The following RALGAPA1 variants were observed in gnomAD, a reference collection of about 807,000 sequenced individuals.
The protein encoded by RALGAPA1 is Ral GTPase activating protein catalytic subunit alpha 1.
Under a neutral mutation model 269.6 loss-of-function variants are expected in RALGAPA1, and 52 were observed. That is an observed-to-expected ratio of 0.19 (90% CI 0.15 to 0.24). RALGAPA1 has a LOEUF of 0.24. RALGAPA1 is among the 10% of genes least tolerant of loss of function. The probability of loss-of-function intolerance (pLI) is 1.00; values close to 1 mark genes in which losing one functional copy is unlikely to be tolerated. For missense variants in RALGAPA1, 1,917 were observed against 3,013.9 expected, an observed-to-expected ratio of 0.64 and a Z score of 8.52; for synonymous variants, 817 against 1,008.3, an observed-to-expected ratio of 0.81 and a Z score of 3.60.
intron 1 of RALGAPA1, among the ~76,000 whole-genome samples, chr14:35,798,774 G>A (rs2076756244): frequency 6.6e-6 from 1 of 151,892 alleles, no homozygotes; most frequent in African/African-American, 2.4e-5. Context: ...ACGATCACTT[G>A]GGGCCAGGAG....
At chr14:35,625,150 CAAAAAAAAAAAA>C (rs35013388) in intron 35 of RALGAPA1, among the ~76,000 whole-genome samples, 199 bp downstream of exon 35, 1 of 59,928 alleles carries the variant, frequency 1.7e-5, no homozygotes, top group African/African-American at 5.7e-5. Flanking sequence ...GACTCTGTCT[CAAAAAAAAAAAA>C]AAAAAAAAAA....
chr14:35,801,270 C>T (rs1344492772), intron 1 of RALGAPA1, among the ~76,000 whole-genome samples: 2 of 142,546 alleles, frequency 1.4e-5, no homozygotes, highest in African/African-American at 5.4e-5. Flanking sequence ...CACACACACA[C>T]ACACACACAC....
chr14:35,685,126 C>T lies in RALGAPA1; in HGVS notation c.4097G>A (p.Ser1366Asn). ...GNASTMTRRGSSPGSLEIPKD... is the reference protein window; with the variant it reads ...GNASTMTRRGNSPGSLEIPKD... Reference sequence around the variant, plus strand: ...GGGAATTTCCAGGCTGCCTGGACTACTTCCTCTTCTTGTCATAGTCTAAAC... The same window carrying T: ...GGGAATTTCCAGGCTGCCTGGACTATTTCCTCTTCTTGTCATAGTCTAAAC... The change falls in exon 20 of 42, where the codon AGT becomes AAT. Residue 1366 changes from serine (S) to asparagine (N), a missense_variant. Ser to Asn is a conservative substitution (Grantham distance 46). Coordinates refer to ENST00000680220, the MANE Select transcript of RALGAPA1 (RefSeq NM_001346249.2). 2.6e-6 allele frequency: 4 copies of T among 1,563,280 alleles called. No individual in the cohort carries two copies. The highest frequency in any genetic ancestry group is 3.5e-6 in the Non-Finnish European group (4 of 1,152,990).
At chr14:35,723,523 C>T (rs1379464194) in intron 14 of RALGAPA1, 2 of 274,114 alleles carry the variant, frequency 7.3e-6, no homozygotes, top group Non-Finnish European at 1.4e-5. Context: ...GTCTCTTATG[C>T]TGCATTATAT....
At chr14:35,628,001 A>G in intron 33 of RALGAPA1, 50 bp from the exon 34 acceptor site, 2 of 1,496,432 alleles carry the variant, frequency 1.3e-6, no homozygotes, top group Non-Finnish European at 1.8e-6. Flanking sequence ...TTCCTAGGGA[A>G]TCATATGACA....
At chr14:35,544,425 A>G (rs1352980693) in intron 41 of RALGAPA1, among the ~76,000 whole-genome samples, 1 of 152,242 alleles carries the variant, frequency 6.6e-6, no homozygotes, top group African/African-American at 2.4e-5. Context: ...AGCTTGACAA[A>G]GTACCAGGTG....
intron 6 of RALGAPA1, among the ~76,000 whole-genome samples, chr14:35,757,409 C>A (rs1469457389): frequency 6.6e-6 from 1 of 152,094 alleles, no homozygotes; most frequent in East Asian, 1.9e-4. Flanking sequence ...TGTGAGCCAC[C>A]GTGCCTGGCC....
At position 35,794,623 on chromosome 14, in the gene RALGAPA1, A is replaced by AT. The variant is rs1005217379; in HGVS notation, c.106+14106dup. ...AGGCGCCCGCCACGGCGCCCGGCTA[A>AT]TTTTTTTGTATTTTTAGTAGAGACG... is the stretch of plus-strand genomic sequence containing the variant. On this transcript the variant is annotated intron_variant, in intron 1 of 41. Transcript: ENST00000680220. Among the ~76,000 whole-genome samples the AT allele has an allele frequency of 1.4e-4, 22 of 151,898 alleles. No homozygotes were observed. In the South Asian group the frequency reaches 1.7e-3, roughly 11 times the overall value.
intron 37 of RALGAPA1, among the ~76,000 whole-genome samples, chr14:35,584,155 A>G (rs1183456843): frequency 1.3e-5 from 2 of 152,170 alleles, no homozygotes; most frequent in East Asian, 1.9e-4. Context: ...ATATATATAT[A>G]GGTTTATATA....
intron 35 of RALGAPA1, among the ~76,000 whole-genome samples, chr14:35,617,652 G>GGGGGGGGA (rs1566834733): frequency 4.1e-5 from 1 of 24,430 alleles, no homozygotes; most frequent in Non-Finnish European, 7.0e-5. Context: ...GGGGGGGGGG[G>GGGGGGGGA]AAGGGGGTGA....
intron 12 of RALGAPA1, among the ~76,000 whole-genome samples, chr14:35,729,789 C>T (rs2070299773): frequency 6.6e-6 from 1 of 152,102 alleles, no homozygotes; most frequent in Admixed American, 6.5e-5. Context: ...AACAGGTCTT[C>T]CCCAGCCCCA....
intron 8 of RALGAPA1, 102 bp downstream of exon 8, chr14:35,751,922 T>C: frequency 6.9e-7 from 1 of 1,454,300 alleles, no homozygotes; most frequent in Non-Finnish European, 9.1e-7. Context: ...AATACAAGTA[T>C]TAAATATGAT....
chr14:35,779,910 T>G (rs1595529637), intron 1 of RALGAPA1, among the ~76,000 whole-genome samples: 1 of 151,922 alleles, frequency 6.6e-6, no homozygotes, highest in Non-Finnish European at 1.5e-5. Flanking sequence ...GATCATGAGG[T>G]TAAGAGATTG....
chr14:35,561,414 A>G (rs908866501), intron 39 of RALGAPA1, among the ~76,000 whole-genome samples: 4 of 151,600 alleles, frequency 2.6e-5, no homozygotes, highest in Admixed American at 2.0e-4. Flanking sequence ...GACTACAAAG[A>G]CTACAAGACT....
At chr14:35,652,996 T>C (rs1182377628) in intron 30 of RALGAPA1, among the ~76,000 whole-genome samples, 1 of 152,198 alleles carries the variant, frequency 6.6e-6, no homozygotes, top group African/African-American at 2.4e-5. Flanking sequence ...CCTCTAAATA[T>C]ACTTTATACA....
intron 17 of RALGAPA1, among the ~76,000 whole-genome samples, chr14:35,699,320 T>C (rs941193900): frequency 6.6e-6 from 1 of 152,044 alleles, no homozygotes; most frequent in Non-Finnish European, 1.5e-5. Context: ...GGGAGGAGTG[T>C]GTGGTGATTG....
rs140065183 is a variant in RALGAPA1 at position 35,738,569 on chromosome 14, C to T, written c.1531G>A (p.Ala511Thr). Reference protein sequence around the residue: ...NGSYQGALHNASEEATEQNIR... With the variant: ...NGSYQGALHNTSEEATEQNIR... The stretch of plus-strand genomic sequence containing the variant: ...TTTTGTTCTGTGGCTTCTTCAGAGG[C>T]GTTATGAAGAGCACCTTGGTAGGAG... The change falls in exon 12 of 42, where the codon GCC (alanine) becomes ACC (threonine). Residue 511 changes from alanine to threonine, a missense_variant. Physicochemically the swap from Ala to Thr is moderately conservative, Grantham distance 58. This residue lies in a region of RALGAPA1 where 462 missense variants were observed against 725.6 expected (regional missense o/e 0.64). Transcript: ENST00000680220. 1.5e-4 allele frequency: 250 copies of T among 1,613,358 alleles called. No homozygotes were observed. The East Asian group carries it at 2.7e-3, about 18-fold the overall frequency.
intron 39 of RALGAPA1, among the ~76,000 whole-genome samples, chr14:35,567,443 T>A (rs1406263538): frequency 6.6e-6 from 1 of 152,102 alleles, no homozygotes; most frequent in African/African-American, 2.4e-5. Context: ...AAGTTCATTA[T>A]CTCATTTAAT....
At chr14:35,754,250 A>G (rs1363946437) in intron 7 of RALGAPA1, among the ~76,000 whole-genome samples, 1 of 152,188 alleles carries the variant, frequency 6.6e-6, no homozygotes, top group Non-Finnish European at 1.5e-5. Flanking sequence ...AGTGGACTTC[A>G]TCAAAATAAA....
Sources: allele counts gnomAD v4.1 joint callset (sites outside exome capture counted in the v4.1 genomes callset), GRCh38; gene constraint gnomAD v4.1.1; regional missense constraint gnomAD v4.1.1; transcripts MANE v1.5; gene names NCBI Gene and HGNC (gene_info 2026-07-23, HGNC 2026-07-21).